The following ROBO2 variants were observed in gnomAD, a reference collection of about 807,000 sequenced individuals.
The protein encoded by ROBO2 is roundabout guidance receptor 2, also known as roundabout homolog 2.
ROBO2 carries 53 observed loss-of-function variants against 160.8 expected under a neutral mutation model. The ratio of observed to expected loss-of-function variants is 0.33; its 90% confidence interval spans 0.26 to 0.41. The LOEUF (loss-of-function observed/expected upper bound fraction) is 0.41, where lower values mean the gene tolerates loss of function less well. Among genes scored for constraint, ROBO2 ranks in the 10% least tolerant of loss-of-function variants. The pLI is 1.00. For missense variants in ROBO2, 1,577 were observed against 1,722.4 expected (o/e 0.92, Z 1.49); for synonymous variants, 664 against 611.7 (o/e 1.09, Z -1.26).
At chr3:77,413,693 G>A (rs766311944) in intron 2 of ROBO2, among the ~76,000 whole-genome samples, 6 of 152,182 alleles carry the variant, frequency 3.9e-5, no homozygotes, top group Admixed American at 1.3e-4. Flanking sequence ...AATCAAAACC[G>A]TGAGGATTCC....
intron 2 of ROBO2, among the ~76,000 whole-genome samples, chr3:77,115,102 A>G (rs1579101287): frequency 6.6e-6 from 1 of 152,174 alleles, no homozygotes; most frequent in East Asian, 1.9e-4. Flanking sequence ...GTTTTAAAAA[A>G]TTACCAACAG....
intron 2 of ROBO2, among the ~76,000 whole-genome samples, chr3:76,994,098 T>C (rs1055818453): frequency 1.2e-4 from 12 of 104,202 alleles, no homozygotes; most frequent in Non-Finnish European, 1.7e-4. Flanking sequence ...TTGTTTTTTT[T>C]TTTTGTTGTT....
chr3:76,426,469 G>T (rs1431365823), intron 2 of ROBO2, among the ~76,000 whole-genome samples: 1 of 152,136 alleles, frequency 6.6e-6, no homozygotes, highest in Non-Finnish European at 1.5e-5. Flanking sequence ...AGAGTTCATA[G>T]ATGGTAAGGA....
intron 2 of ROBO2, among the ~76,000 whole-genome samples, chr3:76,534,141 C>T (rs151076620): frequency 0.011 from 1,731 of 151,982 alleles, 33 homozygotes; most frequent in African/African-American, 0.039. Flanking sequence ...AGGGCGATGT[C>T]TCTCAGGACT....
chr3:77,195,833 T>C (rs1219815951), intron 2 of ROBO2, among the ~76,000 whole-genome samples: 2 of 152,204 alleles, frequency 1.3e-5, no homozygotes, highest in African/African-American at 4.8e-5. Flanking sequence ...CTACCAGACC[T>C]CATTATATTA....
At chr3:76,505,482 GGTTTTTGCAT>G (rs2080747890) in intron 2 of ROBO2, among the ~76,000 whole-genome samples, 1 of 152,104 alleles carries the variant, frequency 6.6e-6, no homozygotes, top group South Asian at 2.1e-4. Flanking sequence ...TTGGAAACAG[GGTTTTTGCAT>G]ATGTACTCAA....
chr3:77,547,185 A>T (rs2092729989), intron 7 of ROBO2, among the ~76,000 whole-genome samples: 1 of 152,074 alleles, frequency 6.6e-6, no homozygotes, highest in Admixed American at 6.6e-5. Context: ...CTAAAGTTGG[A>T]CAACTGCTTA....
At chr3:76,991,054 C>G (rs2060638804) in intron 2 of ROBO2, among the ~76,000 whole-genome samples, 1 of 152,142 alleles carries the variant, frequency 6.6e-6, no homozygotes, top group African/African-American at 2.4e-5. Context: ...AAGTTGCCCA[C>G]TTGGCCCTCT....
chr3:77,106,396 T>A (rs1173307061), intron 2 of ROBO2, among the ~76,000 whole-genome samples: 2 of 147,396 alleles, frequency 1.4e-5, no homozygotes, highest in African/African-American at 5.1e-5. Flanking sequence ...AGATGCAAGT[T>A]GATTTTACTG....
At chr3:76,339,425 A>G (rs569960374) in intron 2 of ROBO2, among the ~76,000 whole-genome samples, 1 of 152,160 alleles carries the variant, frequency 6.6e-6, no homozygotes, top group Non-Finnish European at 1.5e-5. Flanking sequence ...AATAAGATAT[A>G]TTGGAAACCA....
intron 2 of ROBO2, among the ~76,000 whole-genome samples, chr3:77,369,050 C>T (rs1334628494): frequency 6.6e-6 from 1 of 152,128 alleles, no homozygotes; most frequent in African/African-American, 2.4e-5. Context: ...TACAGTTTCA[C>T]ATATAAGAGA....
At chr3:75,968,133 A>G (rs1477849942) in intron 2 of ROBO2, among the ~76,000 whole-genome samples, 1 of 151,642 alleles carries the variant, frequency 6.6e-6, no homozygotes, top group Non-Finnish European at 1.5e-5. Context: ...GTTAATTAGG[A>G]CAATAGGTGC....
chr3:77,403,152 A>G (rs1177460358), intron 2 of ROBO2, among the ~76,000 whole-genome samples: 4 of 152,342 alleles, frequency 2.6e-5, no homozygotes, highest in Middle Eastern at 3.4e-3. Flanking sequence ...TTTAAAATAT[A>G]TATACATGTG....
At chr3:76,438,346 A>G (rs558160445) in intron 2 of ROBO2, among the ~76,000 whole-genome samples, 3 of 152,148 alleles carry the variant, frequency 2.0e-5, no homozygotes, top group South Asian at 2.1e-4. Context: ...TGTATGATAC[A>G]TATCAGTTTA....
At chr3:76,052,310 A>T (rs2067682546) in intron 2 of ROBO2, among the ~76,000 whole-genome samples, 1 of 152,032 alleles carries the variant, frequency 6.6e-6, no homozygotes, top group Middle Eastern at 3.2e-3. Context: ...TCTAGCATCA[A>T]ATATGTATGC....
intron 2 of ROBO2, among the ~76,000 whole-genome samples, chr3:77,146,202 G>A (rs2077107629): frequency 6.6e-6 from 1 of 152,122 alleles, no homozygotes; most frequent in African/African-American, 2.4e-5. Flanking sequence ...GCCTGCTCAG[G>A]GTTTGGCCGC....
intron 2 of ROBO2, among the ~76,000 whole-genome samples, chr3:76,096,840 T>C (rs2069472020): frequency 6.6e-6 from 1 of 152,150 alleles, no homozygotes; most frequent in South Asian, 2.1e-4. Flanking sequence ...TTAATGAACA[T>C]CCACCATGAA....
chr3:77,244,590 C>G (rs2089474656), intron 2 of ROBO2, among the ~76,000 whole-genome samples: 3 of 151,910 alleles, frequency 2.0e-5, no homozygotes, highest in Admixed American at 2.0e-4. Flanking sequence ...TAGAAAATCC[C>G]AACTTAAGGC....
At chr3:76,278,671 T>C (rs903341179) in intron 2 of ROBO2, among the ~76,000 whole-genome samples, 2 of 152,010 alleles carry the variant, frequency 1.3e-5, no homozygotes, top group East Asian at 3.9e-4. Flanking sequence ...CATTTTGTGA[T>C]GATGGATCTG....
Sources: allele counts gnomAD v4.1 joint callset (sites outside exome capture counted in the v4.1 genomes callset), GRCh38; gene constraint gnomAD v4.1.1; transcripts MANE v1.5; gene names NCBI Gene and HGNC (gene_info 2026-07-23, HGNC 2026-07-21).